DAAM1: variants seen among roughly 807,000 people sequenced by gnomAD.
DAAM1 encodes the protein disheveled-associated activator of morphogenesis 1.
Under a neutral mutation model 130.0 loss-of-function variants are expected in DAAM1, and 52 were observed. The ratio of observed to expected loss-of-function variants is 0.40; its 90% CI spans 0.32 to 0.50. The LOEUF (loss-of-function observed/expected upper bound fraction) is 0.50. DAAM1 is among the 20% of genes least tolerant of loss of function. DAAM1 has a pLI of 0.61. For missense variants in DAAM1, 1,134 were observed against 1,303.8 expected (o/e 0.87, Z 2.01); for synonymous variants, 452 against 444.5 (o/e 1.02, Z -0.21).
At position 59,326,496 on chromosome 14, in the gene DAAM1, C is replaced by A; in HGVS notation, c.1175-14C>A. 6.4e-7 allele frequency: 1 copy of A among 1,557,834 alleles called. No individual in the cohort carries two copies. The highest frequency in any genetic ancestry group is 8.7e-7 in the Non-Finnish European group (1 of 1,153,436). ...AACTTGAAGATTTTTTTTCACTATTCTTTTCTTTTTTAGACAAGAGGAGTG... is the reference window on the plus strand; with the variant it reads ...AACTTGAAGATTTTTTTTCACTATTATTTTCTTTTTTAGACAAGAGGAGTG... On this transcript the variant is annotated splice_polypyrimidine_tract_variant and intron_variant, in intron 10 of 24. Transcript: ENST00000360909.
At chr14:59,245,632 C>T (rs747110661) in intron 1 of DAAM1, among the ~76,000 whole-genome samples, 1 of 152,046 alleles carries the variant, frequency 6.6e-6, no homozygotes, top group Non-Finnish European at 1.5e-5. Flanking sequence ...CTAAATTATA[C>T]CATTTAGGTG....
intron 1 of DAAM1, among the ~76,000 whole-genome samples, chr14:59,198,580 G>A (rs1029483576): frequency 3.3e-5 from 5 of 152,078 alleles, no homozygotes; most frequent in African/African-American, 4.8e-5. Flanking sequence ...AAGGAGGGGT[G>A]GAAATACTTA....
intron 3 of DAAM1, among the ~76,000 whole-genome samples, chr14:59,297,888 G>A (rs1284115272): frequency 6.6e-6 from 1 of 152,066 alleles, no homozygotes; most frequent in East Asian, 1.9e-4. Context: ...ATCTACTGGG[G>A]GTCTTAGAAT....
chr14:59,243,669 G>A (rs146768513), intron 1 of DAAM1, among the ~76,000 whole-genome samples: 1 of 152,294 alleles, frequency 6.6e-6, no homozygotes, highest in East Asian at 1.9e-4. Flanking sequence ...TGGAGTAAGG[G>A]CAATCCTAGG....
intron 1 of DAAM1, among the ~76,000 whole-genome samples, chr14:59,262,714 C>G (rs1882231488): frequency 7.3e-6 from 1 of 136,348 alleles, no homozygotes; most frequent in African/African-American, 2.7e-5. Context: ...TAACCATTTC[C>G]TTTCCTTGCT....
At chr14:59,193,553 C>T (rs1429323223) in intron 1 of DAAM1, among the ~76,000 whole-genome samples, 1 of 152,138 alleles carries the variant, frequency 6.6e-6, no homozygotes, top group African/African-American at 2.4e-5. Context: ...CACAAGTTTG[C>T]ATACATAGAA....
chr14:59,232,907 C>T (rs1391946783), intron 1 of DAAM1, among the ~76,000 whole-genome samples: 3 of 152,064 alleles, frequency 2.0e-5, no homozygotes, highest in Admixed American at 2.0e-4. Context: ...GTTTTCTGTT[C>T]CTGTGTTAGT....
intron 1 of DAAM1, among the ~76,000 whole-genome samples, chr14:59,202,341 A>T (rs1483638444): frequency 1.3e-5 from 2 of 152,168 alleles, no homozygotes; most frequent in Non-Finnish European, 2.9e-5. Context: ...GGGGTGGGAG[A>T]TCAAATAAAA....
chr14:59,236,385 G>T (rs1011360950), intron 1 of DAAM1, among the ~76,000 whole-genome samples: 5 of 152,052 alleles, frequency 3.3e-5, no homozygotes, highest in African/African-American at 1.2e-4. Context: ...CTGGCTTCTT[G>T]CCTCTTCCTC....
intron 1 of DAAM1, among the ~76,000 whole-genome samples, chr14:59,204,054 G>A (rs1376686306): frequency 6.6e-6 from 1 of 152,210 alleles, no homozygotes; most frequent in Non-Finnish European, 1.5e-5. Context: ...CATGTGCAAA[G>A]GTAGGCCTTG....
At chr14:59,286,920 C>T (rs923593296) in intron 2 of DAAM1, among the ~76,000 whole-genome samples, 2 of 152,122 alleles carry the variant, frequency 1.3e-5, no homozygotes, top group East Asian at 3.8e-4. Context: ...GAAGGGACTC[C>T]TCCCTAACTC....
At chr14:59,367,697 G>C (rs1217721500) in intron 24 of DAAM1, 98 bp downstream of exon 24, 3 of 1,444,196 alleles carry the variant, frequency 2.1e-6, no homozygotes, top group Admixed American at 2.6e-5. Flanking sequence ...TGGCAGGAAG[G>C]AAGGCTTCAA....
At chr14:59,218,955 G>A (rs1888678655) in intron 1 of DAAM1, among the ~76,000 whole-genome samples, 2 of 152,144 alleles carry the variant, frequency 1.3e-5, no homozygotes, top group South Asian at 4.1e-4. Flanking sequence ...TGTATTACAA[G>A]CCATATGACG....
chr14:59,209,179 C>A (rs573179460), intron 1 of DAAM1, among the ~76,000 whole-genome samples: 3 of 152,272 alleles, frequency 2.0e-5, no homozygotes, highest in Non-Finnish European at 4.4e-5. Flanking sequence ...ATTTGACCAT[C>A]CCTCTTGGCA....
Position 59,359,381 on chromosome 14 carries a change from CCTT to C in DAAM1, c.2526-11_2526-9del. 3 of 1,554,342 alleles carry C rather than the reference CCTT, an allele frequency of 1.9e-6. No individual in the cohort carries two copies. The highest frequency in any genetic ancestry group is 1.8e-6 in the Non-Finnish European group (2 of 1,127,698). On this transcript the variant is annotated splice_polypyrimidine_tract_variant and intron_variant, in intron 20 of 24. Transcript: ENST00000360909. Reference sequence around the variant, plus strand: ...ATAATTTGAATGTTTAATACTCTTCCCTTCTTCAATTGTAGAAACATTACCCTT... The same window carrying C: ...ATAATTTGAATGTTTAATACTCTTCCCTTCAATTGTAGAAACATTACCCTT...
At chr14:59,338,333 C>T in intron 15 of DAAM1, 1 of 1,598,456 alleles carries the variant, frequency 6.3e-7, no homozygotes, top group Non-Finnish European at 8.6e-7. Flanking sequence ...GCTGTGACTT[C>T]TGAACTGCAT....
In DAAM1 at chr14:59,192,149, GGTGTGTGT is replaced by G. The variant is rs55791691; in HGVS notation, c.-38+3419_-38+3426del. ...TGTGGACATGTTCTGCTTGTTAAGG[GGTGTGTGT>G]GTGTGTGTGTGTGTGTGTGTGTGTG... On this transcript the variant is annotated intron_variant, in intron 1 of 24. Coordinates refer to ENST00000360909, the MANE Select transcript of DAAM1 (RefSeq NM_001270520.2). 7.0e-3 allele frequency among the ~76,000 whole-genome samples: 972 copies of G among 138,612 alleles called. 6 individuals are homozygous for G. The highest frequency in any genetic ancestry group is 0.019 in the East Asian group (85 of 4,592). 90.9% of individuals were successfully genotyped at this position (138,612 alleles called of 152,430 possible).
At position 59,348,939 on chromosome 14, in the gene DAAM1, T is replaced by C. The variant is rs146263384; in HGVS notation, c.2160+1316T>C. On this transcript the variant is annotated intron_variant, in intron 17 of 24. Transcript: ENST00000360909. The stretch of plus-strand genomic sequence containing the variant: ...TCTTCATGCTGTCCTTTAAAGGTTT[T>C]ATTTAATTATCAAAATAGTTAATGA... Among the ~76,000 whole-genome samples the C allele has an allele frequency of 1.3e-3, 204 of 152,366 alleles. 2 individuals carry two copies. Among genetic ancestry groups the C allele is most frequent in the African/African-American group, 4.8e-3 (199 of 41,590 alleles).
chr14:59,362,217 A>C (rs1247607920), intron 22 of DAAM1: 5 of 152,068 alleles, frequency 3.3e-5, no homozygotes, highest in Admixed American at 2.0e-4. Flanking sequence ...TTGTTGCTTT[A>C]TTAAAGGATA....
Sources: allele counts gnomAD v4.1 joint callset (sites outside exome capture counted in the v4.1 genomes callset), GRCh38; gene constraint gnomAD v4.1.1; transcripts MANE v1.5; gene names NCBI Gene and HGNC (gene_info 2026-07-23, HGNC 2026-07-21).